PALM: variants seen among roughly 807,000 people sequenced by gnomAD.
The protein encoded by PALM is paralemmin-1.
In PALM, 18 loss-of-function variants were observed where a neutral mutation model predicts 30.7. The observed-to-expected ratio is 0.59, with a 90% CI of 0.41 to 0.87. PALM has a LOEUF of 0.87. PALM is among the 40% of genes least tolerant of loss of function. The pLI is 0.00. For missense variants in PALM, 529 were observed against 555.4 expected, an observed-to-expected ratio of 0.95 and a Z score of 0.48; for synonymous variants, 286 against 242.8, an observed-to-expected ratio of 1.18 and a Z score of -1.66.
In PALM at chr19:709,634, C is replaced by A. The variant is rs535280976; in HGVS notation, c.5+483C>A. 1.3e-5 allele frequency among the ~76,000 whole-genome samples: 2 copies of A among 152,092 alleles called. No individual in the cohort carries two copies. The highest frequency in any genetic ancestry group is 2.9e-5 in the Non-Finnish European group (2 of 67,964). On this transcript the variant is annotated intron_variant, in intron 1 of 8. Coordinates refer to ENST00000338448, the MANE Select transcript of PALM (RefSeq NM_002579.3). The surrounding 1 kb of genome is among the most constrained non-coding windows in gnomAD (Gnocchi z 4.3). ...GACGCGCGCGCGGGCCGGTGCCCCC[C>A]ACCCCCGCCCTTCCCAAGGGCCTCC...
chr19:717,309 C>T (rs2032297354), intron 1 of PALM, among the ~76,000 whole-genome samples: 1 of 152,134 alleles, frequency 6.6e-6, no homozygotes, highest in East Asian at 1.9e-4. Flanking sequence ...CATCCCCTCC[C>T]GTCCCCCTCC....
Position 727,237 on chromosome 19 carries a change from CG to C in PALM, c.138+150del, listed in dbSNP as rs1163217169. ...CTGACCCTGACCCCGACCCTGACCCCGACCCCGACCCCGACCCTGACCCCAA... is the reference window on the plus strand; with the variant it reads ...CTGACCCTGACCCCGACCCTGACCCCACCCCGACCCCGACCCTGACCCCAA... On this transcript the variant is annotated intron_variant, in intron 3 of 8. Coordinates refer to ENST00000338448, the MANE Select transcript of PALM (RefSeq NM_002579.3). The C allele has an allele frequency of 1.7e-5, 9 of 520,224 alleles. No homozygotes were observed. In the East Asian group the frequency reaches 2.5e-4, roughly 14 times the overall value. The allele number at this position is 520,224 out of a possible 1,614,324, so 32.2% of individuals were successfully genotyped here.
At chr19:724,342 G>A (rs1242942677) in intron 1 of PALM, among the ~76,000 whole-genome samples, 1 of 152,066 alleles carries the variant, frequency 6.6e-6, no homozygotes. Context: ...GTTTGTTTGA[G>A]GTGGAGTCTT....
intron 7 of PALM, among the ~76,000 whole-genome samples, chr19:738,885 A>G (rs573284524): frequency 1.1e-3 from 162 of 152,256 alleles, no homozygotes; most frequent in African/African-American, 3.6e-3. Context: ...ACATGCAGCT[A>G]TCTGGGGGGT....
chr19:719,192 C>T (rs1347377664), intron 1 of PALM: 1 of 985,314 alleles, frequency 1.0e-6, no homozygotes, highest in East Asian at 1.1e-4. Flanking sequence ...TGCGACGCCC[C>T]CATCCCACAC....
chr19:739,704 G>A (rs540633857), intron 7 of PALM, among the ~76,000 whole-genome samples: 13 of 152,132 alleles, frequency 8.5e-5, no homozygotes, highest in South Asian at 6.2e-4. Flanking sequence ...GGCTGGGCGC[G>A]GTGGCTCACG....
chr19:741,664 C>T (rs1021079872), intron 8 of PALM, among the ~76,000 whole-genome samples: 3 of 151,850 alleles, frequency 2.0e-5, no homozygotes, highest in Admixed American at 6.6e-5. Context: ...CAGGCGGGGC[C>T]GTGTCCTGAG....
chr19:724,320 T>G (rs1038785190), intron 1 of PALM, among the ~76,000 whole-genome samples: 5 of 151,966 alleles, frequency 3.3e-5, no homozygotes, highest in Non-Finnish European at 7.4e-5. Flanking sequence ...TTCATTCATT[T>G]ATTGTTTGTT....
intron 1 of PALM, among the ~76,000 whole-genome samples, chr19:717,062 G>A (rs187231980): frequency 2.6e-5 from 4 of 152,066 alleles, no homozygotes; most frequent in African/African-American, 4.8e-5. Context: ...CCTGAGCAGC[G>A]GAGATTACAG....
chr19:712,235 C>CTGG lies in PALM; in HGVS notation c.5+3086_5+3088dup, dbSNP rs566137347. 1.1e-4 allele frequency among the ~76,000 whole-genome samples: 17 copies of CTGG among 151,458 alleles called. 1 individual carries two copies. The South Asian group carries it at 3.4e-3, about 30-fold the overall frequency. On this transcript the variant is annotated intron_variant, in intron 1 of 8. Coordinates refer to ENST00000338448, the MANE Select transcript of PALM (RefSeq NM_002579.3). ...ACAGGGTTTCACCAGGTTGCCCAGGCTGGTCTTGAACTCCTGACCTCAGGT... is the reference window on the plus strand; with the variant it reads ...ACAGGGTTTCACCAGGTTGCCCAGGCTGGTGGTCTTGAACTCCTGACCTCAGGT...
In PALM at chr19:746,789, G is replaced by C; in HGVS notation, c.1139G>C (p.Arg380Pro). 4.5e-6 allele frequency: 7 copies of C among 1,568,994 alleles called. No homozygotes were observed. Among genetic ancestry groups the C allele is most frequent in the Non-Finnish European group, 6.0e-6 (7 of 1,163,878 alleles). The change falls in exon 9 of 9, where the codon CGT becomes CCT. Residue 380 changes from arginine to proline, a missense_variant. Physicochemically the swap from Arg to Pro is moderately radical, Grantham distance 103. Coordinates refer to ENST00000338448, the MANE Select transcript of PALM (RefSeq NM_002579.3). This position sits in a 1 kb window ranked among gnomAD's most constrained non-coding sequence, Gnocchi z 7.1. Reference sequence around the variant, plus strand: ...CAGGACCTCGACATGAAGAAGCACCGTTGTAAATGCTGCTCCATCATGTGA... The same window carrying C: ...CAGGACCTCGACATGAAGAAGCACCCTTGTAAATGCTGCTCCATCATGTGA... ...DPQDLDMKKH[R>P]CKCCSIM
intron 8 of PALM, among the ~76,000 whole-genome samples, chr19:743,519 G>T (rs938773155): frequency 1.3e-5 from 2 of 152,212 alleles, no homozygotes; most frequent in African/African-American, 4.8e-5. Flanking sequence ...AAGTCATTGA[G>T]ATGCCTTGAA....
chr19:725,583 T>C (rs1229152470), intron 1 of PALM, among the ~76,000 whole-genome samples: 6 of 152,024 alleles, frequency 3.9e-5, no homozygotes, highest in Non-Finnish European at 7.4e-5. Context: ...ACCACAATGA[T>C]TGGATAAGAG....
rs1022245895 is a variant in PALM at position 742,538 on chromosome 19, G to A, written c.634+2055G>A. On this transcript the variant is annotated intron_variant, in intron 8 of 8. Transcript: ENST00000338448. This position sits in a 1 kb window ranked among gnomAD's most constrained non-coding sequence, Gnocchi z 5.5. Reference sequence around the variant, plus strand: ...GAGAATCACTTGAACCCAGGAGGCGGAGGTTGCAGTGAGCCGAGATCGCGC... The same window carrying A: ...GAGAATCACTTGAACCCAGGAGGCGAAGGTTGCAGTGAGCCGAGATCGCGC... Among the ~76,000 whole-genome samples the A allele has an allele frequency of 6.6e-6, 1 of 151,920 alleles. No individual in the cohort carries two copies. Among genetic ancestry groups the A allele is most frequent in the Non-Finnish European group, 1.5e-5 (1 of 67,996 alleles).
At chr19:712,670 G>A (rs1005313865) in intron 1 of PALM, among the ~76,000 whole-genome samples, 6 of 144,012 alleles carry the variant, frequency 4.2e-5, no homozygotes, top group African/African-American at 7.6e-5. Context: ...GGTGTGAGCC[G>A]CCATGCCTGG....
chr19:726,997 C>CCCCCCCCCCCA lies in PALM; in HGVS notation c.58-10_58-9insCCCCCCCCCAC. Reference sequence around the variant, plus strand: ...ACGCCCATCCCTGACCCCACCCGGCCCTCCCCACAGGAGAAGCGGAAGCGG... The same window carrying CCCCCCCCCCCA: ...ACGCCCATCCCTGACCCCACCCGGCCCCCCCCCCCCACTCCCCACAGGAGAAGCGGAAGCGG... On this transcript the variant is annotated splice_polypyrimidine_tract_variant and intron_variant, in intron 2 of 8. Coordinates refer to ENST00000338448, the MANE Select transcript of PALM (RefSeq NM_002579.3). 6.9e-7 allele frequency: 1 copy of CCCCCCCCCCCA among 1,444,040 alleles called. No individual in the cohort carries two copies. The highest frequency in any genetic ancestry group is 9.5e-7 in the Non-Finnish European group (1 of 1,056,408). The allele number at this position is 1,444,040 out of a possible 1,614,324, so 89.5% of individuals were successfully genotyped here.
chr19:734,202 C>T lies in PALM; in HGVS notation c.442+8C>T, dbSNP rs748584240. ...CGGTGGGCACGCCCAAAGGTAGGAC[C>T]TCTGGAAGGAACTCGTGGGGCCTCG... On this transcript the variant is annotated splice_region_variant and intron_variant, in intron 6 of 8. Transcript: ENST00000338448. The T allele has an allele frequency of 7.4e-6, 12 of 1,613,484 alleles. No homozygotes were observed. Among genetic ancestry groups the T allele is most frequent in the African/African-American group, 1.3e-5 (1 of 74,920 alleles).
At chr19:744,183 G>A (rs368934252) in intron 8 of PALM, among the ~76,000 whole-genome samples, 11 of 151,714 alleles carry the variant, frequency 7.3e-5, no homozygotes, top group African/African-American at 2.7e-4. Context: ...GGAGGATCAC[G>A]AGGTCAGGAG....
At chr19:735,957 G>T in intron 6 of PALM, 62 bp from the exon 7 acceptor site, 1 of 1,416,220 alleles carries the variant, frequency 7.1e-7, no homozygotes, top group African/African-American at 1.4e-5. Context: ...GGGCTGTCTG[G>T]GGGGTCCATG....
Sources: gnomAD v4.1 joint callset for allele counts (sites outside exome capture counted in the v4.1 genomes callset) on GRCh38, gnomAD v4.1.1 for gene constraint, Gnocchi (gnomAD v3.1) non-coding constraint, MANE v1.5 for transcripts, NCBI Gene and HGNC (gene_info 2026-07-23, HGNC 2026-07-21) for gene names.